The following EXT1 variants were observed in gnomAD, a reference collection of about 807,000 sequenced individuals.
EXT1 encodes exostosin glycosyltransferase 1.
A neutral mutation model predicts 82.5 loss-of-function variants in EXT1; 20 were observed. The observed-to-expected ratio is 0.24, with a 90% confidence interval of 0.17 to 0.35. The LOEUF is 0.35. Among genes scored for constraint, EXT1 ranks in the 10% least tolerant of loss-of-function variants. The pLI is 1.00. For synonymous variants in EXT1, 348 were observed against 350.8 expected, an observed-to-expected ratio of 0.99 and a Z score of 0.09; for missense variants, 757 against 936.5, an observed-to-expected ratio of 0.81 and a Z score of 2.50.
chr8:117,936,603 G>A (rs752456999), intron 1 of EXT1, among the ~76,000 whole-genome samples: 15 of 152,166 alleles, frequency 9.9e-5, no homozygotes, highest in South Asian at 6.2e-4. Flanking sequence ...GGCCAGGCCC[G>A]GAGGCTCACG....
rs1817888135 is a variant in EXT1 at position 118,110,860 on chromosome 8, G to A, written c.187C>T (p.Arg63Cys). Residue 63 changes from arginine to cysteine, a missense_variant, in exon 1 of 11, where the codon CGC (arginine) becomes TGC (cysteine). Coordinates refer to ENST00000378204, the MANE Select transcript of EXT1 (RefSeq NM_000127.3). ...HFWPRFPDALRPFVPWDQLEN... is the reference protein window; with the variant it reads ...HFWPRFPDALCPFVPWDQLEN... ...AATTGATCCCAAGGAACGAAGGGGC[G>A]CAGAGCGTCCGGGAAGCGGGGCCAG... 1 of 1,613,172 alleles carries A rather than the reference G, an allele frequency of 6.2e-7. No homozygotes were observed. The highest frequency in any genetic ancestry group is 8.5e-7 in the Non-Finnish European group (1 of 1,179,214).
At chr8:117,929,117 G>A (rs1814003325) in intron 1 of EXT1, among the ~76,000 whole-genome samples, 1 of 152,174 alleles carries the variant, frequency 6.6e-6, no homozygotes, top group Non-Finnish European at 1.5e-5. Flanking sequence ...GTTCATACAT[G>A]TACAGTGCAT....
intron 1 of EXT1, among the ~76,000 whole-genome samples, chr8:118,007,356 A>G (rs1815801722): frequency 6.6e-6 from 1 of 152,156 alleles, no homozygotes; most frequent in Non-Finnish European, 1.5e-5. Context: ...GACAGGTTAC[A>G]TAAGAATATC....
chr8:118,055,400 G>C (rs535587678), intron 1 of EXT1, among the ~76,000 whole-genome samples: 1 of 152,168 alleles, frequency 6.6e-6, no homozygotes, highest in Non-Finnish European at 1.5e-5. Context: ...GGGCATCTGC[G>C]TTGTTTCCAG....
chr8:118,032,931 T>C (rs770568876), intron 1 of EXT1, among the ~76,000 whole-genome samples: 1 of 152,196 alleles, frequency 6.6e-6, no homozygotes, highest in Non-Finnish European at 1.5e-5. Flanking sequence ...TCTTTTCACT[T>C]CAACCTCTTA....
intron 5 of EXT1, among the ~76,000 whole-genome samples, chr8:117,820,051 G>C (rs1811897464): frequency 6.6e-6 from 1 of 152,126 alleles, no homozygotes; most frequent in Non-Finnish European, 1.5e-5. Flanking sequence ...TGCCCCTCTT[G>C]GTGATGTTTC....
intron 1 of EXT1, among the ~76,000 whole-genome samples, chr8:118,071,661 T>A (rs1202939904): frequency 6.6e-6 from 1 of 152,072 alleles, no homozygotes; most frequent in Admixed American, 6.5e-5. Flanking sequence ...ACCCCTCTCC[T>A]CTCCCATCCT....
intron 1 of EXT1, among the ~76,000 whole-genome samples, chr8:117,978,139 T>C (rs1815108067): frequency 6.6e-6 from 1 of 152,198 alleles, no homozygotes; most frequent in Non-Finnish European, 1.5e-5. Flanking sequence ...ATGAAAGGTG[T>C]AGGTGGCATG....
chr8:118,014,917 G>A (rs1448649459), intron 1 of EXT1, among the ~76,000 whole-genome samples: 1 of 152,114 alleles, frequency 6.6e-6, no homozygotes, highest in African/African-American at 2.4e-5. Context: ...ATACAAGAAT[G>A]GAATTTTCAA....
intron 1 of EXT1, among the ~76,000 whole-genome samples, chr8:117,970,589 G>A (rs1431937792): frequency 6.6e-6 from 1 of 152,124 alleles, no homozygotes; most frequent in African/African-American, 2.4e-5. Context: ...ACAGGCGTGA[G>A]CCACCATGCC....
chr8:117,818,262 C>T (rs918105346), intron 7 of EXT1, among the ~76,000 whole-genome samples, 173 bp downstream of exon 7: 3 of 152,126 alleles, frequency 2.0e-5, no homozygotes, highest in African/African-American at 7.2e-5. Flanking sequence ...CCCAGATTTC[C>T]CTGATTTGAA....
intron 1 of EXT1, among the ~76,000 whole-genome samples, chr8:117,847,510 A>C (rs1203894284): frequency 1.3e-5 from 2 of 152,190 alleles, no homozygotes; most frequent in Non-Finnish European, 2.9e-5. Context: ...TTGTAAATCA[A>C]GTTAAATGCA....
In EXT1 at chr8:117,932,273, G is replaced by C. The variant is rs559175942; in HGVS notation, c.963-95072C>G. On this transcript the variant is annotated intron_variant, in intron 1 of 10. Coordinates refer to ENST00000378204, the MANE Select transcript of EXT1 (RefSeq NM_000127.3). Reference sequence around the variant, plus strand: ...TTCAAAGCTTTGCTTGCAGGTTAAGGATAATCAGAATTCAACTTAACCAAA... The same window carrying C: ...TTCAAAGCTTTGCTTGCAGGTTAAGCATAATCAGAATTCAACTTAACCAAA... Among the ~76,000 whole-genome samples, 140 of 152,250 alleles carry C rather than the reference G, an allele frequency of 9.2e-4. 1 individual carries two copies. In the South Asian group the frequency reaches 0.011, roughly 12 times the overall value.
At chr8:118,044,964 C>T (rs777686041) in intron 1 of EXT1, among the ~76,000 whole-genome samples, 8 of 152,172 alleles carry the variant, frequency 5.3e-5, no homozygotes, top group African/African-American at 1.9e-4. Flanking sequence ...TACTATCTGG[C>T]GCTTCACAGA....
intron 1 of EXT1, among the ~76,000 whole-genome samples, chr8:117,969,415 A>G (rs950540124): frequency 2.6e-5 from 4 of 152,200 alleles, no homozygotes; most frequent in African/African-American, 9.7e-5. Context: ...AAAAATGTCA[A>G]CCACAGCCTT....
intron 1 of EXT1, among the ~76,000 whole-genome samples, chr8:117,857,930 A>G (rs1339568142): frequency 1.3e-5 from 2 of 152,164 alleles, no homozygotes; most frequent in African/African-American, 2.4e-5. Context: ...GCTGATTCCA[A>G]CCTTCATAGA....
At position 118,098,469 on chromosome 8, in the gene EXT1, G is replaced by A. The variant is rs77621119; in HGVS notation, c.962+11616C>T. 4.9e-3 allele frequency among the ~76,000 whole-genome samples: 742 copies of A among 152,146 alleles called. 4 individuals carry two copies. Among genetic ancestry groups the A allele is most frequent in the Non-Finnish European group, 8.1e-3 (549 of 68,010 alleles). On this transcript the variant is annotated intron_variant, in intron 1 of 10. Transcript: ENST00000378204. ...TAGTCCATCAAGAATAGCTAACACAGTGGCCAGGTGCAGTGGCTCGCTCAT... is the reference window on the plus strand; with the variant it reads ...TAGTCCATCAAGAATAGCTAACACAATGGCCAGGTGCAGTGGCTCGCTCAT...
At chr8:117,884,077 T>C (rs1216006738) in intron 1 of EXT1, among the ~76,000 whole-genome samples, 1 of 152,164 alleles carries the variant, frequency 6.6e-6, no homozygotes, top group Admixed American at 6.5e-5. Context: ...CTTATGTACA[T>C]AGAGGTTAAT....
intron 1 of EXT1, among the ~76,000 whole-genome samples, chr8:117,860,838 C>G (rs1812669519): frequency 6.6e-6 from 1 of 152,178 alleles, no homozygotes; most frequent in African/African-American, 2.4e-5. Flanking sequence ...ACTTACCTGG[C>G]CCCTGTAGGC....
Sources: allele counts gnomAD v4.1 joint callset (sites outside exome capture counted in the v4.1 genomes callset), GRCh38; gene constraint gnomAD v4.1.1; transcripts MANE v1.5; gene names NCBI Gene and HGNC (gene_info 2026-07-23, HGNC 2026-07-21).